The following ZNF534 variants were observed in gnomAD, a reference collection of about 807,000 sequenced individuals.
The protein encoded by ZNF534 is KRAB domain only 3.
Under a neutral mutation model 13.6 loss-of-function variants are expected in ZNF534, and 19 were observed. The ratio of observed to expected loss-of-function variants is 1.40; its 90% CI spans 0.97 to 2.05. The LOEUF (loss-of-function observed/expected upper bound fraction) is 2.05, where lower values mean the gene tolerates loss of function less well. Among genes scored for constraint, ZNF534 ranks in the 30% most tolerant of loss-of-function variants. ZNF534 has a pLI of 0.00. For missense variants in ZNF534, 782 were observed against 796.3 expected (o/e 0.98, Z 0.22); for synonymous variants, 244 against 273.8 (o/e 0.89, Z 1.07).
Position 52,441,302 on chromosome 19 carries a change from C to T in ZNF534, c.*1856C>T, listed in dbSNP as rs2122710451. On this transcript the variant is annotated 3_prime_UTR_variant, in exon 5 of 5. Transcript: ENST00000433050. ...GGCCAAGGTGAGAGGATTGCTTGAACCCAGGAGTTTGAGACCAACCTGGGT... is the reference window on the plus strand; with the variant it reads ...GGCCAAGGTGAGAGGATTGCTTGAATCCAGGAGTTTGAGACCAACCTGGGT... Among the ~76,000 whole-genome samples, 1 of 152,290 alleles carries T rather than the reference C, an allele frequency of 6.6e-6. No homozygotes were observed. The highest frequency in any genetic ancestry group is 1.5e-5 in the Non-Finnish European group (1 of 68,030).
Position 52,441,203 on chromosome 19 carries a change from T to C in ZNF534, c.*1757T>C, listed in dbSNP as rs1409719715. On this transcript the variant is annotated 3_prime_UTR_variant, in exon 5 of 5. Coordinates refer to ENST00000433050, the MANE Select transcript of ZNF534 (RefSeq NM_001143938.3). Reference sequence around the variant, plus strand: ...ACAGGCATGAGCTGCTGCACCCAGCTTGAGAAATCATATGAATATATGGAA... The same window carrying C: ...ACAGGCATGAGCTGCTGCACCCAGCCTGAGAAATCATATGAATATATGGAA... 2.0e-5 allele frequency among the ~76,000 whole-genome samples: 3 copies of C among 152,064 alleles called. No individual in the cohort carries two copies. Among genetic ancestry groups the C allele is most frequent in the Non-Finnish European group, 2.9e-5 (2 of 68,010 alleles).
intron 4 of ZNF534, among the ~76,000 whole-genome samples, chr19:52,436,954 G>A (rs780461994): frequency 1.3e-4 from 19 of 151,350 alleles, no homozygotes; most frequent in Non-Finnish European, 2.4e-4. Flanking sequence ...CTTTTCATAG[G>A]CCTTGTATGG....
intron 4 of ZNF534, among the ~76,000 whole-genome samples, chr19:52,435,927 TTTCTTC>T (rs201515776): frequency 0.76 from 90,483 of 118,600 alleles, 34,897 homozygotes; most frequent in Non-Finnish European, 0.86. Context: ...TTTTCTTATT[TTTCTTC>T]TTCTTCTTTT....
chr19:52,431,193 C>G (rs956153264), intron 1 of ZNF534, among the ~76,000 whole-genome samples: 1 of 152,192 alleles, frequency 6.6e-6, no homozygotes, highest in African/African-American at 2.4e-5. Context: ...CCCAGCTCTG[C>G]ACTGCTGCAG....
At chr19:52,447,193 C>T (rs2059197435), downstream of ZNF534, among the ~76,000 whole-genome samples, 1 of 152,148 alleles carries the variant, frequency 6.6e-6, no homozygotes, top group Non-Finnish European at 1.5e-5. Context: ...TCTCAAGATC[C>T]TTAACTAGAT....
In ZNF534 at chr19:52,435,186, A is replaced by G. The variant is rs115203070; in HGVS notation, c.248A>G (p.Glu83Gly). ...ATAATAAACAATCCAGATGGCAGGG[A>G]GTGCATCAAAGGTGTGAACACAGGT... ...VKIINNPDGR[E>G]CIKGVNTEKS... Residue 83 changes from glutamate (E) to glycine (G), a missense_variant, in exon 4 of 5, where the codon GAG (glutamate) becomes GGG (glycine). By Grantham distance (98) the Glu-to-Gly change is moderately conservative. Coordinates refer to ENST00000433050, the MANE Select transcript of ZNF534 (RefSeq NM_001143938.3). The G allele has an allele frequency of 4.5e-4, 725 of 1,612,490 alleles. 4 individuals carry two copies. In the African/African-American group the frequency reaches 8.7e-3, roughly 19 times the overall value.
chr19:52,450,250 A>G (rs2059208423), intron 4 of ZNF534, among the ~76,000 whole-genome samples: 1 of 152,180 alleles, frequency 6.6e-6, no homozygotes, highest in Non-Finnish European at 1.5e-5. Context: ...ATCTTTGCCC[A>G]GATCAATGCC....
At chr19:52,435,933 C>CTTTT (rs1289517628) in intron 4 of ZNF534, among the ~76,000 whole-genome samples, 1,108 of 17,346 alleles carry the variant, frequency 0.064, 91 homozygotes, top group Middle Eastern at 0.14. Flanking sequence ...TATTTTTCTT[C>CTTTT]TTCTTCTTTT....
Position 52,440,778 on chromosome 19 carries a change from C to CA in ZNF534, c.*1346dup, listed in dbSNP as rs58012543. On this transcript the variant is annotated 3_prime_UTR_variant, in exon 5 of 5. Coordinates refer to ENST00000433050, the MANE Select transcript of ZNF534 (RefSeq NM_001143938.3). The stretch of plus-strand genomic sequence containing the variant: ...CCTGTGTGACAGTGAGATTCTGTCT[C>CA]AAAAAAAAAAAAAAGAATTCATACT... Among the ~76,000 whole-genome samples, 818 of 137,650 alleles carry CA rather than the reference C, an allele frequency of 5.9e-3. 9 individuals are homozygous for CA. Among genetic ancestry groups the CA allele is most frequent in the African/African-American group, 0.02 (729 of 37,364 alleles). 90.3% of individuals were successfully genotyped at this position (137,650 alleles called of 152,430 possible).
At chr19:52,432,843 T>G (rs2059097467) in intron 2 of ZNF534, among the ~76,000 whole-genome samples, 2 of 151,902 alleles carry the variant, frequency 1.3e-5, no homozygotes, top group Admixed American at 6.6e-5. Context: ...TGTTAGCCAG[T>G]CTGGTCTCGA....
downstream of ZNF534, among the ~76,000 whole-genome samples, chr19:52,446,814 C>T (rs1022837336): frequency 3.9e-5 from 6 of 152,162 alleles, no homozygotes; most frequent in African/African-American, 1.4e-4. Flanking sequence ...GCTATGATTG[C>T]ACCATTGTAC....
chr19:52,447,603 G>GT (rs1204007600), intron 4 of ZNF534, among the ~76,000 whole-genome samples: 1 of 151,510 alleles, frequency 6.6e-6, no homozygotes, highest in Non-Finnish European at 1.5e-5. Context: ...ATTTTGTTGT[G>GT]TTTTTTTCTG....
chr19:52,451,209 C>T lies in ZNF534; in HGVS notation c.294C>T (p.Asp98=), dbSNP rs190698157. ...TAGATTTTTCACTTCTGGCCTGGGA[C>T]GCGCGCGTCTTCAGGGTGGAAGCCT... Residue 98 remains aspartate (D), a synonymous_variant, in exon 5 of 5, where the codon GAC becomes GAT. Transcript: ENST00000301085. The T allele has an allele frequency of 9.9e-6, 7 of 706,002 alleles. 1 individual carries two copies. Among genetic ancestry groups the T allele is most frequent in the South Asian group, 7.6e-5 (5 of 65,530 alleles). The allele number at this position is 706,002 out of a possible 1,614,324, so 43.7% of individuals were successfully genotyped here.
chr19:52,434,397 G>A (rs543195714), intron 3 of ZNF534, among the ~76,000 whole-genome samples: 142 of 145,470 alleles, frequency 9.8e-4, no homozygotes, highest in Non-Finnish European at 1.5e-3. Flanking sequence ...CCCGGGAGGC[G>A]GAGCTTGCAG....
intron 1 of ZNF534, among the ~76,000 whole-genome samples, chr19:52,429,764 T>G (rs1208335625): frequency 6.6e-6 from 1 of 151,592 alleles, no homozygotes; most frequent in African/African-American, 2.4e-5. Flanking sequence ...CCTCTCTAAT[T>G]TTGTATTTTT....
chr19:52,451,539 A>T (rs534658836), exon 5 of ZNF534: 124 of 602,712 alleles, frequency 2.1e-4, no homozygotes, highest in Middle Eastern at 2.0e-3. Context: ...CAGCCCGCGG[A>T]GGAGGGCGGC....
At chr19:52,433,236 C>CAAAAAA (rs1171627054) in intron 2 of ZNF534, among the ~76,000 whole-genome samples, 7 of 64,592 alleles carry the variant, frequency 1.1e-4, no homozygotes, top group Admixed American at 2.0e-4. Context: ...GATCCTATCT[C>CAAAAAA]AAAAAAAAAA....
At chr19:52,451,975 A>G in exon 5 of ZNF534, 1 of 340,470 alleles carries the variant, frequency 2.9e-6, no homozygotes. Context: ...ACGAGAAGTC[A>G]TACCTTTTTC....
intron 4 of ZNF534, among the ~76,000 whole-genome samples, chr19:52,435,930 CTTCTTCT>C (rs1568443448): frequency 1.2e-4 from 1 of 8,304 alleles, no homozygotes; most frequent in Non-Finnish European, 3.7e-4. Context: ...TCTTATTTTT[CTTCTTCT>C]TCTTTTTTTT....
Sources: allele counts gnomAD v4.1 joint callset (sites outside exome capture counted in the v4.1 genomes callset), GRCh38; gene constraint gnomAD v4.1.1; transcripts MANE v1.5; gene names NCBI Gene and HGNC (gene_info 2026-07-23, HGNC 2026-07-21).